Variants in FLRT2 observed in about 807,000 individuals in gnomAD.
FLRT2 encodes fibronectin leucine rich transmembrane protein 2, also known as leucine-rich repeat transmembrane protein FLRT2.
In FLRT2, 15 loss-of-function variants were observed where a neutral mutation model predicts 40.0. The observed-to-expected ratio is 0.38, with a 90% confidence interval of 0.25 to 0.58. FLRT2 has a LOEUF of 0.58. Ranked by LOEUF, FLRT2 falls within the 20% of genes least tolerant of loss-of-function variation. The pLI is 0.71. For missense variants in FLRT2, 726 were observed against 840.0 expected, an observed-to-expected ratio of 0.86 and a Z score of 1.68; for synonymous variants, 380 against 336.8, an observed-to-expected ratio of 1.13 and a Z score of -1.41.
chr14:85,540,672 T>G (rs1888933284), intron 1 of FLRT2, among the ~76,000 whole-genome samples: 1 of 152,138 alleles, frequency 6.6e-6, no homozygotes, highest in South Asian at 2.1e-4. Context: ...AACATTCTTT[T>G]CAATCTATGA....
intron 1 of FLRT2, among the ~76,000 whole-genome samples, chr14:85,616,334 A>C (rs992544451): frequency 6.6e-6 from 1 of 150,876 alleles, no homozygotes; most frequent in African/African-American, 2.4e-5. Flanking sequence ...AAAAAAAAAA[A>C]CCCTTTTCCT....
intron 1 of FLRT2, among the ~76,000 whole-genome samples, chr14:85,564,966 T>C (rs1024585618): frequency 6.6e-6 from 1 of 152,196 alleles, no homozygotes; most frequent in African/African-American, 2.4e-5. Context: ...ATTTCTATGA[T>C]AGCAAGAAAA....
intron 1 of FLRT2, among the ~76,000 whole-genome samples, chr14:85,567,634 CA>C (rs368697981): frequency 0.011 from 1,360 of 125,866 alleles, 34 homozygotes; most frequent in Middle Eastern, 0.015. Flanking sequence ...AAGTGACTTA[CA>C]TTTTTTTTTT....
At position 85,639,336 on chromosome 14, in the gene FLRT2, G is replaced by A. The variant is rs541475373; in HGVS notation, c.*15839G>A. 2.0e-5 allele frequency: 3 copies of A among 152,232 alleles called. No homozygotes were observed. The highest frequency in any genetic ancestry group is 7.2e-5 in the African/African-American group (3 of 41,544). 9.4% of individuals were successfully genotyped at this position (152,232 alleles called of 1,614,324 possible). A position where few individuals can be genotyped will look rare whatever the true frequency, so the allele number is the denominator to read the frequency against. On this transcript the variant is annotated 3_prime_UTR_variant, in exon 2 of 2. Coordinates refer to ENST00000330753, the MANE Select transcript of FLRT2 (RefSeq NM_013231.6). Reference sequence around the variant, plus strand: ...ATCTTGACAGGAGTAAAAGATAATCGAATTCTCTTTGTGAAGTGATTTATG... The same window carrying A: ...ATCTTGACAGGAGTAAAAGATAATCAAATTCTCTTTGTGAAGTGATTTATG...
chr14:85,630,758 A>G lies in FLRT2; in HGVS notation c.*7261A>G, dbSNP rs1893847355. 1 of 152,064 alleles carries G rather than the reference A, an allele frequency of 6.6e-6. No homozygotes were observed. The highest frequency in any genetic ancestry group is 6.6e-5 in the Admixed American group (1 of 15,256). The allele number at this position is 152,064 out of a possible 1,614,324, so 9.4% of individuals were successfully genotyped here. ...TGAGCCACACCACTGCATTTAAATA[A>G]TCAGCCTAGGATTCTGCTAGTTCCA... is the stretch of plus-strand genomic sequence containing the variant. On this transcript the variant is annotated 3_prime_UTR_variant, in exon 2 of 2. Transcript: ENST00000330753.
intron 1 of FLRT2, among the ~76,000 whole-genome samples, chr14:85,584,225 T>C (rs1891517744): frequency 6.6e-6 from 1 of 152,194 alleles, no homozygotes; most frequent in Admixed American, 6.5e-5. Flanking sequence ...ACAAGTTGAT[T>C]AATATTTGCA....
rs774941530 is a variant in FLRT2 at position 85,628,727 on chromosome 14, T to C, written c.*5230T>C. ...TGTTTGTAGAATCTCTGTTGGAACA[T>C]TGACTATGAAAGACAGTGCTAACAA... On this transcript the variant is annotated 3_prime_UTR_variant, in exon 2 of 2. Transcript: ENST00000330753. 8 of 152,214 alleles carry C rather than the reference T, an allele frequency of 5.3e-5. No individual in the cohort carries two copies. The highest frequency in any genetic ancestry group is 1.2e-4 in the Non-Finnish European group (8 of 68,038). 9.4% of individuals were successfully genotyped at this position (152,214 alleles called of 1,614,324 possible). A position where few individuals can be genotyped will look rare whatever the true frequency, so the allele number is the denominator to read the frequency against.
At chr14:85,596,986 A>G (rs1892167937) in intron 1 of FLRT2, among the ~76,000 whole-genome samples, 1 of 152,216 alleles carries the variant, frequency 6.6e-6, no homozygotes, top group South Asian at 2.1e-4. Context: ...TATTATCTTT[A>G]GCTGTGCCTT....
chr14:85,651,116 T>C lies in FLRT2; in HGVS notation c.*27619T>C, dbSNP rs559473559. ...TTAAGTTAATATTCAGCTTTAAACT[T>C]TTCTAATTCAATTATCTTTTTTGAT... On this transcript the variant is annotated 3_prime_UTR_variant, in exon 2 of 2. Coordinates refer to ENST00000330753, the MANE Select transcript of FLRT2 (RefSeq NM_013231.6). 2 of 152,170 alleles carry C rather than the reference T, an allele frequency of 1.3e-5. No individual in the cohort carries two copies. Among genetic ancestry groups the C allele is most frequent in the South Asian group, 4.2e-4 (2 of 4,796 alleles). The allele number at this position is 152,170 out of a possible 1,614,324, so 9.4% of individuals were successfully genotyped here.
chr14:85,542,778 G>A (rs1289683159), intron 1 of FLRT2, among the ~76,000 whole-genome samples: 1 of 152,184 alleles, frequency 6.6e-6, no homozygotes, highest in Non-Finnish European at 1.5e-5. Flanking sequence ...GAGTCCCGAA[G>A]GAATGCCACG....
chr14:85,533,758 G>A (rs1461369780), intron 1 of FLRT2, among the ~76,000 whole-genome samples: 1 of 151,752 alleles, frequency 6.6e-6, no homozygotes, highest in Non-Finnish European at 1.5e-5. Flanking sequence ...GAGCAAGCGA[G>A]GCGAGCTGGG....
chr14:85,540,250 G>A (rs1440217795), intron 1 of FLRT2, among the ~76,000 whole-genome samples: 1 of 152,070 alleles, frequency 6.6e-6, no homozygotes, highest in Non-Finnish European at 1.5e-5. Context: ...TTGTAGTTTG[G>A]CAAACCTCCT....
chr14:85,533,141 G>A (rs547416314), intron 1 of FLRT2, among the ~76,000 whole-genome samples: 1 of 152,184 alleles, frequency 6.6e-6, no homozygotes, highest in Admixed American at 6.5e-5. Context: ...GAGGGACTCC[G>A]GGAGAGAGGG....
chr14:85,533,985 C>A (rs918492926), intron 1 of FLRT2, among the ~76,000 whole-genome samples: 2 of 152,202 alleles, frequency 1.3e-5, no homozygotes, highest in Non-Finnish European at 2.9e-5. Context: ...ACCTCGAGAA[C>A]CTTTGCAGGT....
intron 1 of FLRT2, among the ~76,000 whole-genome samples, chr14:85,535,352 C>CA (rs1432044373): frequency 3.0e-5 from 2 of 67,758 alleles, no homozygotes; most frequent in Non-Finnish European, 8.2e-5. Flanking sequence ...AAAGCCCCCC[C>CA]CCAAAAAAAA....
Position 85,637,641 on chromosome 14 carries a change from G to A in FLRT2, c.*14144G>A, listed in dbSNP as rs528006102. 9.2e-5 allele frequency: 14 copies of A among 152,360 alleles called. No homozygotes were observed. Among genetic ancestry groups the A allele is most frequent in the African/African-American group, 3.4e-4 (14 of 41,576 alleles). The allele number at this position is 152,360 out of a possible 1,614,324, so 9.4% of individuals were successfully genotyped here. A position where few individuals can be genotyped will look rare whatever the true frequency, so the allele number is the denominator to read the frequency against. ...CTCTTCCATGAATATCTCAGACAGA[G>A]AAGGGTGCCTTCTCATGTGATCAGG... is the stretch of plus-strand genomic sequence containing the variant. On this transcript the variant is annotated 3_prime_UTR_variant, in exon 2 of 2. Coordinates refer to ENST00000330753, the MANE Select transcript of FLRT2 (RefSeq NM_013231.6).
In FLRT2 at chr14:85,641,505, G is replaced by A. The variant is rs1894148084; in HGVS notation, c.*18008G>A. 1 of 152,228 alleles carries A rather than the reference G, an allele frequency of 6.6e-6. No homozygotes were observed. The highest frequency in any genetic ancestry group is 2.4e-5 in the African/African-American group (1 of 41,448). 9.4% of individuals were successfully genotyped at this position (152,228 alleles called of 1,614,324 possible). A position where few individuals can be genotyped will look rare whatever the true frequency, so the allele number is the denominator to read the frequency against. The stretch of plus-strand genomic sequence containing the variant: ...TATCTTCAGTGGAGTCAGGTGATGT[G>A]AATAGCAGCAGGAGAGACCTGATTT... On this transcript the variant is annotated 3_prime_UTR_variant, in exon 2 of 2. Transcript: ENST00000330753.
In FLRT2 at chr14:85,574,694, A is replaced by G. The variant is rs76951966; in HGVS notation, c.-377+44160A>G. 3.8e-3 allele frequency among the ~76,000 whole-genome samples: 580 copies of G among 152,202 alleles called. 4 individuals are homozygous for G. Among genetic ancestry groups the G allele is most frequent in the African/African-American group, 0.013 (548 of 41,514 alleles). On this transcript the variant is annotated intron_variant, in intron 1 of 1. Transcript: ENST00000330753. ...TAAGGAATTTAACCACATGGCTCCT[A>G]TTAAGCCATCATTGCATACAGAAAT...
Position 85,625,754 on chromosome 14 carries a change from T to A in FLRT2, c.*2257T>A, listed in dbSNP as rs1159078911. On this transcript the variant is annotated 3_prime_UTR_variant, in exon 2 of 2. Coordinates refer to ENST00000330753, the MANE Select transcript of FLRT2 (RefSeq NM_013231.6). ...GGATAATTCCCTTCTACTGTCCTCT[T>A]CCCCTTGGCTGTGTAGATAAAATTG... 2 of 167,088 alleles carry A rather than the reference T, an allele frequency of 1.2e-5. No homozygotes were observed. The highest frequency in any genetic ancestry group is 4.8e-5 in the African/African-American group (2 of 41,460). 10.4% of individuals were successfully genotyped at this position (167,088 alleles called of 1,614,324 possible). A position where few individuals can be genotyped will look rare whatever the true frequency, so the allele number is the denominator to read the frequency against.
Sources: allele counts gnomAD v4.1 joint callset (sites outside exome capture counted in the v4.1 genomes callset), GRCh38; gene constraint gnomAD v4.1.1; transcripts MANE v1.5; gene names NCBI Gene and HGNC (gene_info 2026-07-23, HGNC 2026-07-21).